Variants in MRTFA observed in about 807,000 individuals in gnomAD.
MRTFA encodes myocardin-related transcription factor A.
A neutral mutation model predicts 83.5 loss-of-function variants in MRTFA; 20 were observed. The observed-to-expected ratio is 0.24, with a 90% CI of 0.17 to 0.35. MRTFA has a LOEUF of 0.35. Ranked by LOEUF, MRTFA falls within the 10% of genes least tolerant of loss-of-function variation. MRTFA has a pLI of 1.00. For missense variants in MRTFA, 1,200 were observed against 1,224.7 expected, an observed-to-expected ratio of 0.98 and a Z score of 0.30; for synonymous variants, 659 against 541.2, an observed-to-expected ratio of 1.22 and a Z score of -3.02.
At chr22:40,564,005 G>T (rs903468952) in intron 2 of MRTFA, among the ~76,000 whole-genome samples, 1 of 152,176 alleles carries the variant, frequency 6.6e-6, no homozygotes, top group South Asian at 2.1e-4. Context: ...GCAAAGAAGG[G>T]AACGACCATA....
chr22:40,619,354 T>C (rs967003126), intron 1 of MRTFA, among the ~76,000 whole-genome samples: 25 of 152,192 alleles, frequency 1.6e-4, no homozygotes, highest in African/African-American at 6.0e-4. Context: ...AAAGGTACTC[T>C]TGACAAGCAC....
chr22:40,422,330 A>G (rs2052858273), intron 9 of MRTFA, among the ~76,000 whole-genome samples: 1 of 152,148 alleles, frequency 6.6e-6, no homozygotes, highest in African/African-American at 2.4e-5. Context: ...TACACTGGTG[A>G]GGTGACTGAA....
At chr22:40,622,456 G>A (rs1178413208) in intron 1 of MRTFA, among the ~76,000 whole-genome samples, 1 of 149,702 alleles carries the variant, frequency 6.7e-6, no homozygotes, top group Non-Finnish European at 1.5e-5. Context: ...ACTCCAGCCT[G>A]GGTGACAGAG....
chr22:40,418,352 G>T (rs199996677), intron 12 of MRTFA, 22 bp downstream of exon 12: 1 of 1,609,698 alleles, frequency 6.2e-7, no homozygotes, highest in South Asian at 1.1e-5. Context: ...GGCCCTGCCC[G>T]GTTCCTCCCA....
chr22:40,451,446 C>G (rs931693097), intron 4 of MRTFA, among the ~76,000 whole-genome samples: 22 of 152,272 alleles, frequency 1.4e-4, no homozygotes, highest in African/African-American at 5.1e-4. Flanking sequence ...CTTGCCACCA[C>G]CCGTTTTGGC....
At chr22:40,597,116 G>T (rs2056202693) in intron 1 of MRTFA, among the ~76,000 whole-genome samples, 1 of 152,158 alleles carries the variant, frequency 6.6e-6, no homozygotes, top group South Asian at 2.1e-4. Context: ...TTACTTGTCT[G>T]AACAAGAATC....
In MRTFA at chr22:40,459,838, T is replaced by C. The variant is rs867101866; in HGVS notation, c.307+3383A>G. ...ACACACACACATATATACATATATA[T>C]ATATATATATATATATATATATATA... On this transcript the variant is annotated intron_variant, in intron 4 of 14. Transcript: ENST00000355630. Among the ~76,000 whole-genome samples, 343 of 132,348 alleles carry C rather than the reference T, an allele frequency of 2.6e-3. 2 individuals are homozygous for C. Among genetic ancestry groups the C allele is most frequent in the Middle Eastern group, 0.016 (4 of 258 alleles). The allele number at this position is 132,348 out of a possible 152,430, so 86.8% of individuals were successfully genotyped here.
At chr22:40,545,577 C>T (rs551299811) in intron 3 of MRTFA, among the ~76,000 whole-genome samples, 7 of 151,954 alleles carry the variant, frequency 4.6e-5, no homozygotes, top group Non-Finnish European at 1.0e-4. Flanking sequence ...GGATTACAGG[C>T]GCCTGCCACC....
intron 3 of MRTFA, among the ~76,000 whole-genome samples, chr22:40,502,421 T>C (rs1364201806): frequency 4.0e-5 from 4 of 98,946 alleles, no homozygotes; most frequent in African/African-American, 1.6e-4. Flanking sequence ...ACATCCCAGA[T>C]GGGGCGGCGG....
intron 3 of MRTFA, among the ~76,000 whole-genome samples, chr22:40,507,999 A>AAAAG (rs1363670476): frequency 7.2e-6 from 1 of 138,326 alleles, no homozygotes; most frequent in Non-Finnish European, 1.6e-5. Flanking sequence ...AAAAAAAAAA[A>AAAAG]GGAGTTGATT....
At chr22:40,625,123 C>T (rs1322618070) in intron 1 of MRTFA, among the ~76,000 whole-genome samples, 1 of 151,926 alleles carries the variant, frequency 6.6e-6, no homozygotes, top group African/African-American at 2.4e-5. Context: ...TCCTAACCCC[C>T]CAAAAAAACA....
At chr22:40,464,516 A>G (rs969863017) in intron 3 of MRTFA, among the ~76,000 whole-genome samples, 1 of 151,572 alleles carries the variant, frequency 6.6e-6, no homozygotes. Context: ...CTAAAAAAAA[A>G]AAAGAAAGAA....
At chr22:40,450,802 G>C (rs2053472932) in intron 4 of MRTFA, among the ~76,000 whole-genome samples, 1 of 152,252 alleles carries the variant, frequency 6.6e-6, no homozygotes, top group East Asian at 1.9e-4. Context: ...TTTGGCGAAA[G>C]CATAGCAGGC....
intron 2 of MRTFA, among the ~76,000 whole-genome samples, chr22:40,553,171 G>A (rs2055468559): frequency 6.6e-6 from 1 of 152,194 alleles, no homozygotes; most frequent in Non-Finnish European, 1.5e-5. Context: ...GCATTCAAGA[G>A]GAAGCAGAGC....
intron 1 of MRTFA, among the ~76,000 whole-genome samples, chr22:40,624,495 C>A (rs1179822059): frequency 2.6e-5 from 4 of 151,138 alleles, no homozygotes; most frequent in African/African-American, 9.7e-5. Context: ...AGCTAGTGAG[C>A]AATAGAGCCA....
intron 3 of MRTFA, among the ~76,000 whole-genome samples, chr22:40,509,157 T>C (rs994689823): frequency 1.3e-5 from 2 of 152,224 alleles, no homozygotes; most frequent in African/African-American, 2.4e-5. Flanking sequence ...CATTTCATAC[T>C]GGCAAACAAC....
intron 1 of MRTFA, among the ~76,000 whole-genome samples, chr22:40,633,687 T>G (rs571918844): frequency 1.3e-5 from 2 of 152,232 alleles, no homozygotes; most frequent in Admixed American, 1.3e-4. Flanking sequence ...AAAGATAGCC[T>G]TTATTTATTA....
At chr22:40,421,500 T>C (rs2052839243) in intron 9 of MRTFA, among the ~76,000 whole-genome samples, 1 of 152,180 alleles carries the variant, frequency 6.6e-6, no homozygotes, top group Non-Finnish European at 1.5e-5. Flanking sequence ...TCTCTTGCTC[T>C]TTTTGGGGCT....
At chr22:40,607,587 C>T (rs1229215426) in intron 1 of MRTFA, among the ~76,000 whole-genome samples, 1 of 152,074 alleles carries the variant, frequency 6.6e-6, no homozygotes, top group African/African-American at 2.4e-5. Context: ...TATTTTATTT[C>T]CTCCACGAAT....
Sources: gnomAD v4.1 joint callset for allele counts (sites outside exome capture counted in the v4.1 genomes callset) on GRCh38, gnomAD v4.1.1 for gene constraint, MANE v1.5 for transcripts, NCBI Gene and HGNC (gene_info 2026-07-23, HGNC 2026-07-21) for gene names.